KIAA1671: variants seen among roughly 807,000 people sequenced by gnomAD.
KIAA1671 encodes the protein KIAA1671.
In KIAA1671, 52 loss-of-function variants were observed where a neutral mutation model predicts 131.2. The ratio of observed to expected loss-of-function variants is 0.40; its 90% CI spans 0.32 to 0.50. The LOEUF (loss-of-function observed/expected upper bound fraction) is 0.50. Among genes scored for constraint, KIAA1671 ranks in the 20% least tolerant of loss-of-function variants. The pLI, the probability that KIAA1671 is intolerant of heterozygous loss-of-function variation, is 0.73. For missense variants in KIAA1671, 2,360 were observed against 2,364.2 expected, an observed-to-expected ratio of 1.00 and a Z score of 0.04; for synonymous variants, 1,003 against 961.6, an observed-to-expected ratio of 1.04 and a Z score of -0.80.
chr22:25,076,393 C>T (rs1421327211), intron 6 of KIAA1671, among the ~76,000 whole-genome samples: 4 of 152,082 alleles, frequency 2.6e-5, no homozygotes, highest in Admixed American at 6.6e-5. Flanking sequence ...TGGGGCCAAG[C>T]GTGGGCTGCA....
rs1316817164 is a variant in KIAA1671 at position 25,056,576 on chromosome 22, T to C, written c.4530+7212T>C. 2.0e-5 allele frequency: 3 copies of C among 148,802 alleles called. 1 individual carries two copies. Among genetic ancestry groups the C allele is most frequent in the Non-Finnish European group, 4.5e-5 (3 of 67,018 alleles). The allele number at this position is 148,802 out of a possible 1,614,324, so 9.2% of individuals were successfully genotyped here. ...GCTCACTCCTGTAATCCCAGCACTT[T>C]GGGAGACCGAGGCGGGGTGGATCAT... On this transcript the variant is annotated intron_variant, in intron 6 of 12. Transcript: ENST00000358431.
At chr22:25,135,551 A>G (rs2145951792) in intron 6 of KIAA1671, among the ~76,000 whole-genome samples, 1 of 152,180 alleles carries the variant, frequency 6.6e-6, no homozygotes, top group East Asian at 1.9e-4. Context: ...CTGTGTTCAC[A>G]GTTTTGAAAT....
rs2145806140 is a variant in KIAA1671 at position 25,040,240 on chromosome 22, C to T, written c.3110C>T (p.Thr1037Ile). The T allele has an allele frequency of 6.4e-7, 1 of 1,551,722 alleles. No homozygotes were observed. Among genetic ancestry groups the T allele is most frequent in the Non-Finnish European group, 8.7e-7 (1 of 1,147,006 alleles). ...GCAGTCACCTATCAGATTCCCAATA[C>T]TCAAAAGGCAAAGGGTGTGGTTCTG... ...FFAVTYQIPN[T>I]QKAKGVVLSG... is the part of the protein sequence containing the mutation. Residue 1037 changes from threonine (T) to isoleucine (I), a missense_variant, in exon 5 of 13, where the codon ACT becomes ATT. Physicochemically the swap from Thr to Ile is moderately conservative, Grantham distance 89. This residue lies in a region of KIAA1671 where 1,161 missense variants were observed against 1,204.7 expected (regional missense o/e 0.96). Coordinates refer to ENST00000358431, the MANE Select transcript of KIAA1671 (RefSeq NM_001145206.2).
chr22:24,985,595 T>A (rs940613095), intron 1 of KIAA1671, among the ~76,000 whole-genome samples: 1 of 152,174 alleles, frequency 6.6e-6, no homozygotes, highest in Admixed American at 6.6e-5. Context: ...CACCTCGGCC[T>A]CCCAAAGTGC....
intron 1 of KIAA1671, among the ~76,000 whole-genome samples, chr22:24,995,109 G>C (rs1924047048): frequency 6.6e-6 from 1 of 150,978 alleles, no homozygotes; most frequent in South Asian, 2.1e-4. Context: ...GGAGTGCAGT[G>C]GCGCGATCTC....
chr22:25,029,535 C>T lies in KIAA1671; in HGVS notation c.1536C>T (p.Thr512=). Residue 512 remains threonine (T), a synonymous_variant, in exon 3 of 13, where the codon ACC becomes ACT. Coordinates refer to ENST00000358431, the MANE Select transcript of KIAA1671 (RefSeq NM_001145206.2). ...FQARPLSADL[T]KLFSSSASSN... is the part of the protein sequence containing the mutation. The stretch of plus-strand genomic sequence containing the variant: ...CTCGGCCGCTGTCGGCGGATTTGAC[C>T]AAATTGTAAGTAGGCACATCCCACA... 1.3e-6 allele frequency: 2 copies of T among 1,536,048 alleles called. No individual in the cohort carries two copies. The highest frequency in any genetic ancestry group is 1.8e-6 in the Non-Finnish European group (2 of 1,139,322).
chr22:25,189,211 C>CA (rs1934587521), intron 11 of KIAA1671, among the ~76,000 whole-genome samples: 1 of 146,648 alleles, frequency 6.8e-6, no homozygotes, highest in African/African-American at 2.5e-5. Context: ...TGGAGTGCAG[C>CA]AGAGCCATCT....
chr22:25,121,304 T>C (rs1931931375), intron 6 of KIAA1671, among the ~76,000 whole-genome samples: 1 of 151,580 alleles, frequency 6.6e-6, no homozygotes, highest in African/African-American at 2.4e-5. Flanking sequence ...CTACTAAAAA[T>C]ACAAAAAATT....
chr22:24,989,520 A>G (rs1041353741), intron 1 of KIAA1671, among the ~76,000 whole-genome samples: 1 of 152,052 alleles, frequency 6.6e-6, no homozygotes, highest in African/African-American at 2.4e-5. Context: ...CTGCTGTAAC[A>G]AGGGAGCTAG....
intron 3 of KIAA1671, among the ~76,000 whole-genome samples, chr22:25,031,966 T>C (rs1926319416): frequency 6.6e-6 from 1 of 152,236 alleles, no homozygotes. Flanking sequence ...GTGCTACATC[T>C]TCAGGTATTT....
chr22:25,065,141 A>C (rs925411112), intron 6 of KIAA1671: 2 of 125,916 alleles, frequency 1.6e-5, no homozygotes, highest in Non-Finnish European at 3.6e-5. Context: ...CGAGGCAGCA[A>C]GCGGCGGCTG....
At chr22:25,057,815 A>G (rs1927939466) in intron 6 of KIAA1671, 1 of 152,140 alleles carries the variant, frequency 6.6e-6, no homozygotes, top group African/African-American at 2.4e-5. Context: ...TAATTTTTGT[A>G]TTTTTTGTAG....
chr22:25,051,221 A>G (rs1321507543), intron 6 of KIAA1671: 1 of 152,270 alleles, frequency 6.6e-6, no homozygotes, highest in Non-Finnish European at 1.5e-5. Context: ...CATACCTGCA[A>G]TTCTGGGGAG....
intron 6 of KIAA1671, among the ~76,000 whole-genome samples, chr22:25,136,427 CTG>C (rs1157703811): frequency 2.0e-5 from 3 of 152,182 alleles, no homozygotes; most frequent in East Asian, 1.9e-4. Flanking sequence ...CTGAACCAGA[CTG>C]TGGCATTTCT....
At chr22:25,128,708 A>T (rs866196172) in intron 6 of KIAA1671, among the ~76,000 whole-genome samples, 10 of 152,080 alleles carry the variant, frequency 6.6e-5, no homozygotes, top group African/African-American at 4.8e-5. Context: ...GCACCCCCAT[A>T]AGCCATTGCT....
At chr22:25,170,408 T>G (rs777331935) in intron 6 of KIAA1671, among the ~76,000 whole-genome samples, 1 of 152,132 alleles carries the variant, frequency 6.6e-6, no homozygotes, top group Non-Finnish European at 1.5e-5. Context: ...ACGGTGGTGG[T>G]AGGAACCTGG....
At chr22:25,073,208 C>T (rs1736850998) in intron 6 of KIAA1671, among the ~76,000 whole-genome samples, 1 of 151,934 alleles carries the variant, frequency 6.6e-6, no homozygotes, top group Non-Finnish European at 1.5e-5. Flanking sequence ...GCTGGGACTA[C>T]AGGTGCGTGC....
chr22:24,974,133 GGACTTGGGTCTGGGT>G (rs1922785439), intron 1 of KIAA1671, among the ~76,000 whole-genome samples: 1 of 152,134 alleles, frequency 6.6e-6, no homozygotes, highest in Non-Finnish European at 1.5e-5. Flanking sequence ...TTTATCAGCC[GGACTTGGGTCTGGGT>G]GGGGCAGGTT....
chr22:25,093,746 CTCTCTCTCTCTCTCTCTCTCTG>C (rs1930182916), intron 6 of KIAA1671, among the ~76,000 whole-genome samples: 2 of 121,344 alleles, frequency 1.6e-5, no homozygotes, highest in Admixed American at 8.0e-5. Context: ...CACTCTCTCT[CTCTCTCTCTCTCTCTCTCTCTG>C]TCTCTCTCTC....
Sources: allele counts gnomAD v4.1 joint callset (sites outside exome capture counted in the v4.1 genomes callset), GRCh38; gene constraint gnomAD v4.1.1; regional missense constraint gnomAD v4.1.1; transcripts MANE v1.5; gene names NCBI Gene and HGNC (gene_info 2026-07-23, HGNC 2026-07-21).